Variants in JAK1 observed in about 807,000 individuals in gnomAD.
The protein encoded by JAK1 is tyrosine-protein kinase JAK1.
Under a neutral mutation model 136.6 loss-of-function variants are expected in JAK1, and 16 were observed. The ratio of observed to expected loss-of-function variants is 0.12; its 90% CI spans 0.08 to 0.18. The LOEUF is 0.18. JAK1 is among the 10% of genes least tolerant of loss of function. JAK1 has a pLI of 1.00. For missense variants in JAK1, 859 were observed against 1,450.1 expected (o/e 0.59, Z 6.62); for synonymous variants, 492 against 519.5 (o/e 0.95, Z 0.72).
Position 64,902,583 on chromosome 1 carries a change from A to AGAGAGTGAGTGTGTGT in JAK1, c.-77-16243_-77-16242insACACACACTCACTCTC. On this transcript the variant is annotated intron_variant, in intron 1 of 24. Coordinates refer to ENST00000342505, the MANE Select transcript of JAK1 (RefSeq NM_002227.4). Reference sequence around the variant, plus strand: ...GAGAGAGAGAGAGAGAGAGAGAGAGAGTGTGTGTGTGTGTGTGTGTGTGTG... The same window carrying AGAGAGTGAGTGTGTGT: ...GAGAGAGAGAGAGAGAGAGAGAGAGAGAGAGTGAGTGTGTGTGTGTGTGTGTGTGTGTGTGTGTGTG... Among the ~76,000 whole-genome samples, 9 of 73,792 alleles carry AGAGAGTGAGTGTGTGT rather than the reference A, an allele frequency of 1.2e-4. No homozygotes were observed. In the Admixed American group the frequency reaches 1.4e-3, roughly 12 times the overall value. The allele number at this position is 73,792 out of a possible 152,430, so 48.4% of individuals were successfully genotyped here. A position where few individuals can be genotyped will look rare whatever the true frequency, so the allele number is the denominator to read the frequency against.
intron 1 of JAK1, among the ~76,000 whole-genome samples, chr1:65,054,956 G>T (rs1230734145): frequency 1.3e-5 from 2 of 152,172 alleles, no homozygotes; most frequent in Admixed American, 1.3e-4. Context: ...GGAGAGCAGA[G>T]AAATCAACTA....
At chr1:64,856,536 A>ACC (rs1655947664) in intron 10 of JAK1, among the ~76,000 whole-genome samples, 2 of 152,180 alleles carry the variant, frequency 1.3e-5, no homozygotes, top group Admixed American at 6.5e-5. Flanking sequence ...TGACATTGTT[A>ACC]GGGAGTCACG....
At chr1:65,040,716 C>T (rs940260248) in intron 2 of JAK1, among the ~76,000 whole-genome samples, 1 of 152,170 alleles carries the variant, frequency 6.6e-6, no homozygotes, top group Non-Finnish European at 1.5e-5. Context: ...CATAGTGGCG[C>T]TCTGGTTTTT....
intron 1 of JAK1, among the ~76,000 whole-genome samples, chr1:64,921,389 T>C (rs1645491821): frequency 6.6e-6 from 1 of 152,154 alleles, no homozygotes; most frequent in Non-Finnish European, 1.5e-5. Context: ...TACTGATAAC[T>C]GAAAGCATAA....
At chr1:65,028,733 T>C (rs1014675746) in intron 2 of JAK1, among the ~76,000 whole-genome samples, 1 of 152,242 alleles carries the variant, frequency 6.6e-6, no homozygotes, top group Non-Finnish European at 1.5e-5. Flanking sequence ...CCATGTTACA[T>C]GTTTTTACAT....
chr1:64,886,005 C>T (rs1644847256), intron 2 of JAK1, among the ~76,000 whole-genome samples: 1 of 152,112 alleles, frequency 6.6e-6, no homozygotes, highest in South Asian at 2.1e-4. Flanking sequence ...GAAGAACGTA[C>T]AATAAATTCT....
chr1:65,062,475 C>G (rs1479531642), intron 1 of JAK1, among the ~76,000 whole-genome samples: 1 of 152,182 alleles, frequency 6.6e-6, no homozygotes, highest in South Asian at 2.1e-4. Context: ...TTCAAATTCC[C>G]TTAATGGACA....
intron 1 of JAK1, among the ~76,000 whole-genome samples, chr1:65,045,537 CAG>C (rs1384162133): frequency 1.3e-5 from 2 of 152,116 alleles, no homozygotes; most frequent in Non-Finnish European, 2.9e-5. Flanking sequence ...GCTCTGGAGT[CAG>C]GGGGTTGTGT....
chr1:65,048,124 A>C (rs1297724562), intron 1 of JAK1, among the ~76,000 whole-genome samples: 1 of 152,254 alleles, frequency 6.6e-6, no homozygotes, highest in African/African-American at 2.4e-5. Flanking sequence ...AGAATCAATG[A>C]AAATGTCATG....
At chr1:64,970,035 C>G (rs924936626), upstream of JAK1, among the ~76,000 whole-genome samples, 1 of 144,032 alleles carries the variant, frequency 6.9e-6, no homozygotes, top group Non-Finnish European at 1.5e-5. Context: ...ACTCAGGAGT[C>G]GAGGTGGAAG....
chr1:64,902,258 C>T (rs1418069953), intron 1 of JAK1, among the ~76,000 whole-genome samples: 2 of 152,082 alleles, frequency 1.3e-5, no homozygotes, highest in Non-Finnish European at 2.9e-5. Flanking sequence ...CTTTAGTGCT[C>T]TTCTCAGCAC....
At chr1:64,846,626 C>G (rs1004495272) in intron 14 of JAK1, 23 bp downstream of exon 14, 5 of 1,595,150 alleles carry the variant, frequency 3.1e-6, no homozygotes, top group Admixed American at 1.7e-5. Context: ...GCCACCCACC[C>G]CTTTGAAAGA....
intron 1 of JAK1, among the ~76,000 whole-genome samples, chr1:64,910,226 A>C (rs1645259246): frequency 6.6e-6 from 1 of 152,190 alleles, no homozygotes; most frequent in African/African-American, 2.4e-5. Flanking sequence ...GACTAAGGAG[A>C]TTGTAATACG....
intron 1 of JAK1, among the ~76,000 whole-genome samples, chr1:64,924,848 C>T (rs553157418): frequency 8.5e-5 from 13 of 152,144 alleles, no homozygotes; most frequent in Non-Finnish European, 1.9e-4. Flanking sequence ...TCAGCAGGGG[C>T]TGAACAGGCA....
chr1:64,909,790 C>T (rs1365951659), intron 1 of JAK1, among the ~76,000 whole-genome samples: 1 of 152,188 alleles, frequency 6.6e-6, no homozygotes, highest in Admixed American at 6.5e-5. Flanking sequence ...CACCTCTGCA[C>T]TCCAGCCTGG....
rs1174516728 is a variant in JAK1, at chr1:64,888,494, T to G, written c.-77-2153A>C. Among the ~76,000 whole-genome samples the G allele has an allele frequency of 3.9e-5, 6 of 152,350 alleles. No individual in the cohort carries two copies. The East Asian group carries it at 1.2e-3, about 29-fold the overall frequency. ...CACACCTGGCCAGAACTTAAAAAGTTTTTTAATATGCACTATCAGACCATG... is the reference window on the plus strand; with the variant it reads ...CACACCTGGCCAGAACTTAAAAAGTGTTTTAATATGCACTATCAGACCATG... On this transcript the variant is annotated intron_variant, in intron 1 of 24. Transcript: ENST00000342505.
chr1:64,840,993 T>C (rs1001015292), intron 19 of JAK1, among the ~76,000 whole-genome samples: 2 of 152,184 alleles, frequency 1.3e-5, no homozygotes, highest in Admixed American at 1.3e-4. Context: ...TCAAGGGAGC[T>C]GCCCAGAGTC....
intron 1 of JAK1, among the ~76,000 whole-genome samples, chr1:64,915,518 G>A (rs1019674049): frequency 2.0e-5 from 3 of 152,146 alleles, no homozygotes; most frequent in Non-Finnish European, 4.4e-5. Flanking sequence ...AAAGAATCCC[G>A]TTGGCCACTC....
intron 1 of JAK1, among the ~76,000 whole-genome samples, chr1:64,894,837 C>T (rs376021687): frequency 1.5e-4 from 23 of 152,112 alleles, no homozygotes; most frequent in African/African-American, 4.8e-4. Context: ...CATGGCCCCC[C>T]TACACTTGGC....
Sources: allele counts gnomAD v4.1 joint callset (sites outside exome capture counted in the v4.1 genomes callset), GRCh38; gene constraint gnomAD v4.1.1; transcripts MANE v1.5; gene names NCBI Gene and HGNC (gene_info 2026-07-23, HGNC 2026-07-21).